The following FHAD1 variants were observed in gnomAD, a reference collection of about 807,000 sequenced individuals.
FHAD1 encodes forkhead-associated domain-containing protein 1.
In FHAD1, 146 loss-of-function variants were observed where a neutral mutation model predicts 191.3. The ratio of observed to expected loss-of-function variants is 0.76; its 90% confidence interval spans 0.67 to 0.88. The LOEUF is 0.88. Among genes scored for constraint, FHAD1 ranks in the 40% least tolerant of loss-of-function variants. The pLI is 0.00. For synonymous variants in FHAD1, 616 were observed against 672.3 expected (o/e 0.92, Z 1.29); for missense variants, 1,635 against 1,785.8 (o/e 0.92, Z 1.52).
chr1:15,240,830 G>T (rs1645264671), intron 1 of FHAD1, among the ~76,000 whole-genome samples: 1 of 151,582 alleles, frequency 6.6e-6, no homozygotes, highest in Non-Finnish European at 1.5e-5. Context: ...GGTGGCACTT[G>T]CCTGTAGTCC....
At chr1:15,307,753 C>T (rs933475121) in intron 6 of FHAD1, among the ~76,000 whole-genome samples, 11 of 150,028 alleles carry the variant, frequency 7.3e-5, no homozygotes, top group East Asian at 1.9e-4. Flanking sequence ...TTTTTGGAGA[C>T]GGAGTCTCAC....
chr1:15,396,630 G>A (rs893663876), intron 33 of FHAD1, among the ~76,000 whole-genome samples: 1 of 151,826 alleles, frequency 6.6e-6, no homozygotes, highest in Non-Finnish European at 1.5e-5. Context: ...CCAACATGGT[G>A]AAACCCCCAT....
Position 15,312,073 on chromosome 1 carries a change from G to C in FHAD1, c.1040-984G>C, listed in dbSNP as rs1672445545. Reference sequence around the variant, plus strand: ...CATGGCGGTTGGCTTTCCCCAGACTGAGTGATCCAAGGAGAGCAAAGAAGA... The same window carrying C: ...CATGGCGGTTGGCTTTCCCCAGACTCAGTGATCCAAGGAGAGCAAAGAAGA... On this transcript the variant is annotated intron_variant, in intron 7 of 33. Coordinates refer to ENST00000688493, the MANE Select transcript of FHAD1 (RefSeq NM_001391957.1). The surrounding 1 kb of genome is among the most constrained non-coding windows in gnomAD (Gnocchi z 4.7). 1 of 152,290 alleles carries C rather than the reference G, an allele frequency of 6.6e-6. No homozygotes were observed. Among genetic ancestry groups the C allele is most frequent in the Non-Finnish European group, 1.5e-5 (1 of 68,108 alleles). The allele number at this position is 152,290 out of a possible 1,614,324, so 9.4% of individuals were successfully genotyped here. A position where few individuals can be genotyped will look rare whatever the true frequency, so the allele number is the denominator to read the frequency against.
rs777674790 is a variant in FHAD1, at chr1:15,345,129, C to A, written c.2177C>A (p.Thr726Asn). 3 of 1,551,774 alleles carry A rather than the reference C, an allele frequency of 1.9e-6. No homozygotes were observed. The South Asian group carries it at 3.6e-5, about 18-fold the overall frequency. The change falls in exon 17 of 34, where the codon ACT becomes AAT. Residue 726 changes from threonine (T) to asparagine (N), a missense_variant. By Grantham distance (65) the Thr-to-Asn change is moderately conservative. Transcript: ENST00000688493. The part of the protein sequence containing the change: ...ITQERNRAKE[T>N]LEEERKRMQE... ...CAAGAGAGAAACAGAGCGAAAGAGA[C>A]TTTAGAGGAAGAACGGAAGAGAATG...
At chr1:15,274,566 C>T (rs1191876138) in intron 3 of FHAD1, among the ~76,000 whole-genome samples, 1 of 151,426 alleles carries the variant, frequency 6.6e-6, no homozygotes, top group African/African-American at 2.4e-5. Flanking sequence ...GAGCCGAGAT[C>T]ATGCCACTGC....
intron 1 of FHAD1, among the ~76,000 whole-genome samples, chr1:15,250,629 G>A (rs188091480): frequency 5.9e-5 from 9 of 152,100 alleles, no homozygotes; most frequent in African/African-American, 1.9e-4. Flanking sequence ...GAAATACAGC[G>A]ATTTAAAAAG....
intron 19 of FHAD1, 87 bp downstream of exon 19, chr1:15,349,236 C>A: frequency 9.8e-7 from 1 of 1,024,130 alleles, no homozygotes; most frequent in Non-Finnish European, 1.5e-6. Flanking sequence ...GGGCAGATAT[C>A]AGAGCCATGC....
At chr1:15,395,981 T>G (rs1033905059) in intron 33 of FHAD1, among the ~76,000 whole-genome samples, 4 of 152,136 alleles carry the variant, frequency 2.6e-5, no homozygotes, top group Admixed American at 6.6e-5. Context: ...ACAATGAATG[T>G]GTTACTGTAA....
chr1:15,379,891 T>G (rs192533187), intron 28 of FHAD1, among the ~76,000 whole-genome samples: 1 of 152,304 alleles, frequency 6.6e-6, no homozygotes, highest in East Asian at 1.9e-4. Context: ...GAATTTGTCT[T>G]AGTACAGAAC....
At chr1:15,264,926 G>T (rs902777872) in intron 2 of FHAD1, among the ~76,000 whole-genome samples, 1 of 151,794 alleles carries the variant, frequency 6.6e-6, no homozygotes, top group Non-Finnish European at 1.5e-5. Context: ...CATCAGTCCA[G>T]ATAGTCACGT....
At chr1:15,254,570 A>G (rs1172613058) in intron 2 of FHAD1, among the ~76,000 whole-genome samples, 2 of 152,206 alleles carry the variant, frequency 1.3e-5, no homozygotes, top group African/African-American at 4.8e-5. Flanking sequence ...GAGGACAATT[A>G]TTATATATAT....
rs1437148417 is a variant in FHAD1 at position 15,388,413 on chromosome 1, G to T, written c.4269+282G>T. On this transcript the variant is annotated intron_variant, in intron 32 of 33. Transcript: ENST00000688493. ...GACAAGCACGCGTCCAGCCCCGTCT[G>T]TCCATTAAGGTGAGAAGGCAGAGGG... is the stretch of plus-strand genomic sequence containing the variant. The T allele has an allele frequency of 2.7e-6, 3 of 1,124,834 alleles. No homozygotes were observed. The Admixed American group carries it at 1.2e-4, about 47-fold the overall frequency. The allele number at this position is 1,124,834 out of a possible 1,614,324, so 69.7% of individuals were successfully genotyped here.
At chr1:15,369,802 G>C (rs192478130) in intron 26 of FHAD1, among the ~76,000 whole-genome samples, 1 of 152,072 alleles carries the variant, frequency 6.6e-6, no homozygotes. Context: ...ACCTGTGTTC[G>C]AATCCCAACT....
At position 15,375,808 on chromosome 1, in the gene FHAD1, C is replaced by G. The variant is rs1406998778; in HGVS notation, c.3705+78C>G. On this transcript the variant is annotated intron_variant, in intron 28 of 33. Coordinates refer to ENST00000688493, the MANE Select transcript of FHAD1 (RefSeq NM_001391957.1). ...TGAGGGCAGACACTAGCTTCGTTCC[C>G]TGGCACAGCCATACATGTCAGTGGT... The G allele has an allele frequency of 2.1e-5, 29 of 1,402,308 alleles. No homozygotes were observed. The East Asian group carries it at 7.0e-4, about 34-fold the overall frequency. 86.9% of individuals were successfully genotyped at this position (1,402,308 alleles called of 1,614,324 possible). A position where few individuals can be genotyped will look rare whatever the true frequency, so the allele number is the denominator to read the frequency against.
chr1:15,298,944 G>A (rs2100831332), intron 5 of FHAD1, among the ~76,000 whole-genome samples: 1 of 151,898 alleles, frequency 6.6e-6, no homozygotes, highest in South Asian at 2.1e-4. Context: ...CCAAGCAGGA[G>A]GATCACTTGA....
intron 28 of FHAD1, among the ~76,000 whole-genome samples, 199 bp from the exon 29 acceptor site, chr1:15,380,502 G>T (rs1187928508): frequency 6.6e-6 from 1 of 152,198 alleles, no homozygotes; most frequent in Non-Finnish European, 1.5e-5. Flanking sequence ...AGACTTCAAA[G>T]ACAGAGTCAT....
At chr1:15,395,307 CA>C (rs34527814) in intron 33 of FHAD1, among the ~76,000 whole-genome samples, 224 of 101,402 alleles carry the variant, frequency 2.2e-3, no homozygotes, top group Middle Eastern at 5.4e-3. Context: ...GACTCCATCT[CA>C]AAAAAAAAAA....
Position 15,369,259 on chromosome 1 carries a change from A to G in FHAD1, c.3315-111A>G, listed in dbSNP as rs1017394983. ...TATGGGAACAGGAAACAAGTCTCAA[A>G]AGAATTCTGTTTCCTATAAAAATAG... is the stretch of plus-strand genomic sequence containing the variant. On this transcript the variant is annotated intron_variant, in intron 25 of 33. Coordinates refer to ENST00000688493, the MANE Select transcript of FHAD1 (RefSeq NM_001391957.1). The G allele has an allele frequency of 5.6e-6, 7 of 1,252,698 alleles. No individual in the cohort carries two copies. The Admixed American group carries it at 8.2e-5, about 15-fold the overall frequency. The allele number at this position is 1,252,698 out of a possible 1,614,324, so 77.6% of individuals were successfully genotyped here.
intron 2 of FHAD1, 127 bp downstream of exon 2, chr1:15,252,004 T>C: frequency 1.3e-6 from 1 of 779,186 alleles, no homozygotes; most frequent in Non-Finnish European, 2.1e-6. Flanking sequence ...GCCATACCTT[T>C]CCTTGGTGTG....
Sources: gnomAD v4.1 joint callset for allele counts (sites outside exome capture counted in the v4.1 genomes callset) on GRCh38, gnomAD v4.1.1 for gene constraint, Gnocchi (gnomAD v3.1) non-coding constraint, MANE v1.5 for transcripts, NCBI Gene and HGNC (gene_info 2026-07-23, HGNC 2026-07-21) for gene names.